Variants in MAP4K4 observed in about 807,000 individuals in gnomAD.
The protein encoded by MAP4K4 is HPK/GCK-like kinase HGK.
In MAP4K4, 38 loss-of-function variants were observed where a neutral mutation model predicts 189.6. That is an observed-to-expected ratio of 0.20 (90% CI 0.15 to 0.26). The LOEUF is 0.26. Among genes scored for constraint, MAP4K4 ranks in the 10% least tolerant of loss-of-function variants. The pLI is 1.00. For synonymous variants in MAP4K4, 610 were observed against 624.3 expected (o/e 0.98, Z 0.34); for missense variants, 1,054 against 1,726.9 (o/e 0.61, Z 6.91).
At chr2:101,829,879 TA>T (rs2096540523) in intron 6 of MAP4K4, 1 of 264,924 alleles carries the variant, frequency 3.8e-6, no homozygotes, top group South Asian at 6.6e-5. Context: ...CTTCCTATTT[TA>T]CTTTGGATAA....
chr2:101,714,418 A>G (rs996966094), intron 2 of MAP4K4, among the ~76,000 whole-genome samples: 5 of 152,244 alleles, frequency 3.3e-5, no homozygotes, highest in Non-Finnish European at 7.3e-5. Context: ...GTTAAGAAAC[A>G]TAATTTTCTT....
intron 27 of MAP4K4, among the ~76,000 whole-genome samples, chr2:101,880,684 T>C (rs1247629127): frequency 1.3e-5 from 2 of 152,096 alleles, no homozygotes; most frequent in East Asian, 1.9e-4. Context: ...GATTTTTCTA[T>C]TTTTAGTGGA....
intron 2 of MAP4K4, among the ~76,000 whole-genome samples, chr2:101,764,971 C>A (rs1419436323): frequency 6.6e-6 from 1 of 152,138 alleles, no homozygotes; most frequent in Non-Finnish European, 1.5e-5. Context: ...CCTTGCAATA[C>A]TGTAGGTAAT....
chr2:101,717,210 T>A (rs762164181), intron 2 of MAP4K4, among the ~76,000 whole-genome samples: 4 of 152,150 alleles, frequency 2.6e-5, no homozygotes, highest in Non-Finnish European at 5.9e-5. Flanking sequence ...CAACAGGAAA[T>A]GAGAGTAGGG....
rs573406607 is a variant in MAP4K4 at position 101,831,712 on chromosome 2, C to T, written c.509-9C>T. On this transcript the variant is annotated splice_polypyrimidine_tract_variant and intron_variant, in intron 6 of 32. Transcript: ENST00000324219. The stretch of plus-strand genomic sequence containing the variant: ...TCTTTCTTTATCTGCCTTTTTCTTC[C>T]TCCCACAGTTGACTTTGGTGTGAGT... 5.7e-6 allele frequency: 9 copies of T among 1,588,694 alleles called. No individual in the cohort carries two copies. The highest frequency in any genetic ancestry group is 7.7e-6 in the Non-Finnish European group (9 of 1,166,072).
At chr2:101,859,033 A>C in exon 14 of MAP4K4, 1 of 1,612,870 alleles carries the variant, frequency 6.2e-7, no homozygotes, top group East Asian at 2.2e-5. Flanking sequence ...GAGCAGCGGC[A>C]CTTGGAAGTC....
At chr2:101,762,347 A>G (rs1044128376) in intron 2 of MAP4K4, among the ~76,000 whole-genome samples, 1 of 152,170 alleles carries the variant, frequency 6.6e-6, no homozygotes, top group African/African-American at 2.4e-5. Context: ...CATGCCTGGC[A>G]TAGGTAGCCC....
At chr2:101,789,850 C>G (rs867881605) in intron 2 of MAP4K4, among the ~76,000 whole-genome samples, 118 of 152,174 alleles carry the variant, frequency 7.8e-4, no homozygotes, top group Middle Eastern at 6.8e-3. Flanking sequence ...CCCAGTACTC[C>G]TCATCTGGGT....
At chr2:101,777,445 C>T (rs538831193) in intron 2 of MAP4K4, among the ~76,000 whole-genome samples, 3 of 152,320 alleles carry the variant, frequency 2.0e-5, no homozygotes, top group African/African-American at 4.8e-5. Context: ...ATCCCACCTT[C>T]GGTGCCGGCT....
At chr2:101,844,369 G>A in intron 12 of MAP4K4, 58 bp downstream of exon 12, 1 of 1,400,138 alleles carries the variant, frequency 7.1e-7, no homozygotes, top group Non-Finnish European at 9.9e-7. Context: ...ATTTACACTG[G>A]TAGTTAGCCA....
intron 2 of MAP4K4, among the ~76,000 whole-genome samples, chr2:101,764,049 A>G (rs2077541848): frequency 6.6e-6 from 1 of 152,012 alleles, no homozygotes; most frequent in Non-Finnish European, 1.5e-5. Flanking sequence ...TAGTGACACA[A>G]CTGTATTTAC....
chr2:101,729,131 T>TGTGTCC (rs2057222382), intron 2 of MAP4K4, among the ~76,000 whole-genome samples: 1 of 151,234 alleles, frequency 6.6e-6, no homozygotes, highest in Admixed American at 6.6e-5. Flanking sequence ...TGTGTGTGTG[T>TGTGTCC]CCTGTTCCCA....
intron 2 of MAP4K4, among the ~76,000 whole-genome samples, chr2:101,765,558 C>T (rs1460449402): frequency 6.6e-6 from 1 of 152,100 alleles, no homozygotes; most frequent in Non-Finnish European, 1.5e-5. Context: ...CTCCTGAGCT[C>T]AAGCAGTCCA....
intron 2 of MAP4K4, among the ~76,000 whole-genome samples, chr2:101,754,887 G>A (rs952241874): frequency 1.3e-5 from 2 of 152,168 alleles, no homozygotes; most frequent in African/African-American, 4.8e-5. Context: ...ATGAGGGGAA[G>A]GAAGGAGTCC....
intron 2 of MAP4K4, among the ~76,000 whole-genome samples, chr2:101,789,237 T>G (rs1224496644): frequency 6.6e-6 from 1 of 152,214 alleles, no homozygotes; most frequent in African/African-American, 2.4e-5. Context: ...GAGGATCACT[T>G]AATACTATAT....
At chr2:101,802,934 T>C (rs2094505953) in intron 3 of MAP4K4, among the ~76,000 whole-genome samples, 1 of 152,044 alleles carries the variant, frequency 6.6e-6, no homozygotes, top group South Asian at 2.1e-4. Context: ...TACAGGCGTC[T>C]GCCACCATGC....
At chr2:101,735,916 A>G (rs1293130547) in intron 2 of MAP4K4, among the ~76,000 whole-genome samples, 2 of 152,330 alleles carry the variant, frequency 1.3e-5, no homozygotes, top group East Asian at 3.9e-4. Context: ...CTCAGGATGA[A>G]TGATGTGAGT....
intron 9 of MAP4K4, among the ~76,000 whole-genome samples, chr2:101,837,368 T>A (rs2096789868): frequency 6.6e-6 from 1 of 152,044 alleles, no homozygotes; most frequent in South Asian, 2.1e-4. Context: ...CTCACTGTCC[T>A]TGCCCCCAAC....
At chr2:101,851,648 T>C (rs915592761) in intron 12 of MAP4K4, among the ~76,000 whole-genome samples, 8 of 151,768 alleles carry the variant, frequency 5.3e-5, no homozygotes, top group African/African-American at 1.9e-4. Flanking sequence ...GTTGGTAGTT[T>C]AAATTCTTGC....
Sources: allele counts gnomAD v4.1 joint callset (sites outside exome capture counted in the v4.1 genomes callset), GRCh38; gene constraint gnomAD v4.1.1; transcripts MANE v1.5; gene names NCBI Gene and HGNC (gene_info 2026-07-23, HGNC 2026-07-21).